BIN1: variants seen among roughly 807,000 people sequenced by gnomAD.
The protein encoded by BIN1 is bridging integrator 1, also known as myc box-dependent-interacting protein 1.
Under a neutral mutation model 82.0 loss-of-function variants are expected in BIN1, and 53 were observed. The ratio of observed to expected loss-of-function variants is 0.65; its 90% CI spans 0.52 to 0.81. The LOEUF is 0.81. BIN1 is among the 40% of genes least tolerant of loss of function. The probability of loss-of-function intolerance (pLI) is 0.00; values close to 1 mark genes in which losing one functional copy is unlikely to be tolerated. For missense variants in BIN1, 642 were observed against 784.4 expected (o/e 0.82, Z 2.17); for synonymous variants, 302 against 328.0 (o/e 0.92, Z 0.86).
At chr2:127,051,281 C>T in intron 15 of BIN1, 38 bp from the exon 16 acceptor site, 1 of 1,604,978 alleles carries the variant, frequency 6.2e-7, no homozygotes, top group Non-Finnish European at 8.5e-7. Context: ...AGACACAGGA[C>T]AGGACACAGC....
At chr2:127,075,209 T>C (rs1686428966) in intron 2 of BIN1, among the ~76,000 whole-genome samples, 1 of 147,996 alleles carries the variant, frequency 6.8e-6, no homozygotes, top group Non-Finnish European at 1.5e-5. Context: ...CTCAAGTGCC[T>C]CATCTGCAAA....
rs145121765 is a variant in BIN1, at chr2:127,094,049, G to T, written c.84+12811C>A. Among the ~76,000 whole-genome samples, 5 of 152,294 alleles carry T rather than the reference G, an allele frequency of 3.3e-5. No homozygotes were observed. In the East Asian group the frequency reaches 9.7e-4, roughly 29 times the overall value. ...GGGCTGGTCCACGAGCCGGCACCCC[G>T]ACCTTCAGGGTCCTCGTGTGTGAAA... On this transcript the variant is annotated intron_variant, in intron 1 of 18. Transcript: ENST00000316724.
chr2:127,068,956 C>A lies in BIN1; in HGVS notation c.487G>T (p.Ala163Ser), dbSNP rs1210981592. Residue 163 changes from alanine to serine, a missense_variant, in exon 6 of 19, where the codon GCC becomes TCC. Ala to Ser is a moderately conservative substitution (Grantham distance 99). Coordinates refer to ENST00000316724, the MANE Select transcript of BIN1 (RefSeq NM_139343.3). The surrounding 1 kb of genome is among the most constrained non-coding windows in gnomAD (Gnocchi z 4.9). ...ATTTTGGCTTCATCCTTCTTTTTGG[C>A]AGTTTGAAGGGACTCGTAGTGGTGC... ...ARHHYESLQT[A>S]KKKDEAKIAK... 2 of 1,614,168 alleles carry A rather than the reference C, an allele frequency of 1.2e-6. No homozygotes were observed. Among genetic ancestry groups the A allele is most frequent in the East Asian group, 2.2e-5 (1 of 44,880 alleles).
intron 1 of BIN1, among the ~76,000 whole-genome samples, chr2:127,092,160 G>A (rs943825500): frequency 6.6e-6 from 1 of 152,094 alleles, no homozygotes; most frequent in Non-Finnish European, 1.5e-5. Flanking sequence ...CCTGGCAGGT[G>A]GAATGAATGT....
At chr2:127,052,103 C>T (rs1683029776) in intron 15 of BIN1, 152 bp downstream of exon 15, 11 of 887,888 alleles carry the variant, frequency 1.2e-5, no homozygotes, top group East Asian at 2.6e-5. Flanking sequence ...GTGACAAGCC[C>T]GTGCTGGGGC....
At chr2:127,061,993 G>T in intron 10 of BIN1, 122 bp downstream of exon 10, 1 of 1,117,790 alleles carries the variant, frequency 8.9e-7, no homozygotes. Flanking sequence ...AGACAGGAAG[G>T]TCCCTAGACC....
chr2:127,052,595 T>C (rs1243156468), intron 14 of BIN1: 7 of 566,506 alleles, frequency 1.2e-5, no homozygotes, highest in Non-Finnish European at 2.2e-5. Context: ...CCTACCGAAA[T>C]CCACTTGTCA....
chr2:127,054,717 C>G (rs1683418960), intron 12 of BIN1: 1 of 152,650 alleles, frequency 6.6e-6, no homozygotes, highest in Admixed American at 6.5e-5. Flanking sequence ...CCTGACCCCT[C>G]CCAGCAGCCC....
chr2:127,076,799 G>A lies in BIN1; in HGVS notation c.85-93C>T, dbSNP rs1016602000. The A allele has an allele frequency of 5.6e-6, 8 of 1,432,282 alleles. No individual in the cohort carries two copies. The East Asian group carries it at 1.1e-4, about 20-fold the overall frequency. The allele number at this position is 1,432,282 out of a possible 1,614,324, so 88.7% of individuals were successfully genotyped here. On this transcript the variant is annotated intron_variant, in intron 1 of 18. Coordinates refer to ENST00000316724, the MANE Select transcript of BIN1 (RefSeq NM_139343.3). Reference sequence around the variant, plus strand: ...CAGTCACCAACAGCACAGACCAGGGGCTGGGAAGTCTCTAGCCAACATCAC... The same window carrying A: ...CAGTCACCAACAGCACAGACCAGGGACTGGGAAGTCTCTAGCCAACATCAC...
Position 127,082,077 on chromosome 2 carries a change from C to G in BIN1, c.85-5371G>C, listed in dbSNP as rs779526391. Among the ~76,000 whole-genome samples the G allele has an allele frequency of 1.3e-5, 2 of 152,126 alleles. No homozygotes were observed. The highest frequency in any genetic ancestry group is 2.4e-5 in the African/African-American group (1 of 41,436). On this transcript the variant is annotated intron_variant, in intron 1 of 18. Transcript: ENST00000316724. The surrounding 1 kb of genome is among the most constrained non-coding windows in gnomAD (Gnocchi z 6.1). Reference sequence around the variant, plus strand: ...GCCAGGCTTTCTCTGGGCCCAGTCCCGAGGGAGACACCCCAAGAGGCGAAA... The same window carrying G: ...GCCAGGCTTTCTCTGGGCCCAGTCCGGAGGGAGACACCCCAAGAGGCGAAA...
At position 127,077,185 on chromosome 2, in the gene BIN1, G is replaced by A. The variant is rs144565756; in HGVS notation, c.85-479C>T. Among the ~76,000 whole-genome samples the A allele has an allele frequency of 3.4e-4, 52 of 152,344 alleles. 1 individual carries two copies. In the East Asian group the frequency reaches 7.0e-3, roughly 20 times the overall value. ...GCAACAGCAGAGCAGGCCCTGAACC[G>A]GCAGGAGCCATCCCGGAACAAGGAG... On this transcript the variant is annotated intron_variant, in intron 1 of 18. Transcript: ENST00000316724.
At chr2:127,086,501 ATCTTTTTT>A (rs1426488309) in intron 1 of BIN1, among the ~76,000 whole-genome samples, 3 of 150,610 alleles carry the variant, frequency 2.0e-5, no homozygotes, top group African/African-American at 7.3e-5. Flanking sequence ...ATGGTAATCC[ATCTTTTTT>A]TCTTTTTTTT....
In BIN1 at chr2:127,053,841, CA is replaced by C; in HGVS notation, c.1239+63del. 3 of 1,497,084 alleles carry C rather than the reference CA, an allele frequency of 2.0e-6. No homozygotes were observed. The Admixed American group carries it at 5.9e-5, about 29-fold the overall frequency. 92.7% of individuals were successfully genotyped at this position (1,497,084 alleles called of 1,614,324 possible). A position where few individuals can be genotyped will look rare whatever the true frequency, so the allele number is the denominator to read the frequency against. On this transcript the variant is annotated intron_variant, in intron 13 of 18. Coordinates refer to ENST00000316724, the MANE Select transcript of BIN1 (RefSeq NM_139343.3). ...CTGGGGTCACGTGGCCAATAGGCAA[CA>C]TGAGCCCAGGGTTGGGCACCTGGAA...
chr2:127,059,288 G>GA lies in BIN1; in HGVS notation c.858-134_858-133insT. ...TGTGAAACTGTGTGTGTGTGTGTGT[G>GA]TGTGTATGTGAGAGAGAGCAGGAGG... On this transcript the variant is annotated intron_variant, in intron 10 of 18. Transcript: ENST00000316724. This position sits in a 1 kb window ranked among gnomAD's most constrained non-coding sequence, Gnocchi z 6.7. 1 of 1,012,550 alleles carries GA rather than the reference G, an allele frequency of 9.9e-7. No individual in the cohort carries two copies. Among genetic ancestry groups the GA allele is most frequent in the Non-Finnish European group, 1.5e-6 (1 of 678,692 alleles). 62.7% of individuals were successfully genotyped at this position (1,012,550 alleles called of 1,614,324 possible).
chr2:127,107,043 G>T lies in BIN1; in HGVS notation c.-100C>A. ...CAGCCCCGGCCGCGCGTCCAGACCG[G>T]CTGCCGCTCCACGCCGCGCACCCGA... On this transcript the variant is annotated 5_prime_UTR_variant, in exon 1 of 19. Transcript: ENST00000316724. This position sits in a 1 kb window ranked among gnomAD's most constrained non-coding sequence, Gnocchi z 5.9. 2 of 1,230,062 alleles carry T rather than the reference G, an allele frequency of 1.6e-6. No individual in the cohort carries two copies. The highest frequency in any genetic ancestry group is 2.1e-6 in the Non-Finnish European group (2 of 949,564). 76.2% of individuals were successfully genotyped at this position (1,230,062 alleles called of 1,614,324 possible).
Position 127,048,448 on chromosome 2 carries a change from A to C in BIN1, c.*78T>G. Reference sequence around the variant, plus strand: ...GCTCTTCAAAAGATGAAAAACGAAAACAAAACAAAAAAAAGAACCACACAT... The same window carrying C: ...GCTCTTCAAAAGATGAAAAACGAAACCAAAACAAAAAAAAGAACCACACAT... On this transcript the variant is annotated 3_prime_UTR_variant, in exon 19 of 19. Coordinates refer to ENST00000316724, the MANE Select transcript of BIN1 (RefSeq NM_139343.3). 7.0e-7 allele frequency: 1 copy of C among 1,420,106 alleles called. No homozygotes were observed. The highest frequency in any genetic ancestry group is 9.9e-7 in the Non-Finnish European group (1 of 1,008,998). 88.0% of individuals were successfully genotyped at this position (1,420,106 alleles called of 1,614,324 possible). A position where few individuals can be genotyped will look rare whatever the true frequency, so the allele number is the denominator to read the frequency against.
intron 1 of BIN1, among the ~76,000 whole-genome samples, chr2:127,098,634 GC>G (rs1240908564): frequency 2.0e-5 from 3 of 152,116 alleles, no homozygotes; most frequent in Non-Finnish European, 4.4e-5. Flanking sequence ...CACAACGGGG[GC>G]CGAAGGTGCA....
At position 127,053,745 on chromosome 2, in the gene BIN1, T is replaced by A. The variant is rs1005553069; in HGVS notation, c.1239+160A>T. Reference sequence around the variant, plus strand: ...TCCCAGCTGATCAGGGGCTGCTTCCTGCCCTACAACCAGGAGGTGATGAGG... The same window carrying A: ...TCCCAGCTGATCAGGGGCTGCTTCCAGCCCTACAACCAGGAGGTGATGAGG... On this transcript the variant is annotated intron_variant, in intron 13 of 18. Transcript: ENST00000316724. The A allele has an allele frequency of 1.3e-5, 10 of 754,362 alleles. No homozygotes were observed. The African/African-American group carries it at 1.6e-4, about 12-fold the overall frequency. The allele number at this position is 754,362 out of a possible 1,614,324, so 46.7% of individuals were successfully genotyped here.
chr2:127,104,015 C>CCA (rs1023194028), intron 1 of BIN1, among the ~76,000 whole-genome samples: 4 of 152,348 alleles, frequency 2.6e-5, no homozygotes, highest in African/African-American at 9.6e-5. Flanking sequence ...CACACCAAGG[C>CCA]CACAGGCCAT....
Sources: allele counts gnomAD v4.1 joint callset (sites outside exome capture counted in the v4.1 genomes callset), GRCh38; gene constraint gnomAD v4.1.1; non-coding constraint Gnocchi (gnomAD v3.1); transcripts MANE v1.5; gene names NCBI Gene and HGNC (gene_info 2026-07-23, HGNC 2026-07-21).